The following BMPR1B variants were observed in gnomAD, a reference collection of about 807,000 sequenced individuals.
BMPR1B encodes the protein bone morphogenetic protein receptor type 1B, also known as bone morphogenetic protein receptor type-1B.
A neutral mutation model predicts 59.1 loss-of-function variants in BMPR1B; 12 were observed. That is an observed-to-expected ratio of 0.20 (90% confidence interval 0.13 to 0.33). The LOEUF is 0.33. Among genes scored for constraint, BMPR1B ranks in the 10% least tolerant of loss-of-function variants. BMPR1B has a pLI of 1.00. For synonymous variants in BMPR1B, 237 were observed against 207.3 expected, an observed-to-expected ratio of 1.14 and a Z score of -1.23; for missense variants, 550 against 610.9, an observed-to-expected ratio of 0.90 and a Z score of 1.05.
intron 3 of BMPR1B, among the ~76,000 whole-genome samples, chr4:95,080,135 T>C (rs577563641): frequency 1.3e-5 from 2 of 152,328 alleles, no homozygotes; most frequent in South Asian, 2.1e-4. Context: ...ATTCTTTTCT[T>C]TTTAAAACAA....
At chr4:95,085,989 CTGTGTG>C (rs3068102) in intron 3 of BMPR1B, among the ~76,000 whole-genome samples, 1 of 149,724 alleles carries the variant, frequency 6.7e-6, no homozygotes, top group Non-Finnish European at 1.5e-5. Context: ...GTGTGTGTAC[CTGTGTG>C]TGTGTGTGTG....
intron 2 of BMPR1B, among the ~76,000 whole-genome samples, chr4:94,983,629 G>T (rs894348911): frequency 8.5e-5 from 13 of 152,144 alleles, no homozygotes; most frequent in South Asian, 8.3e-4. Flanking sequence ...CACCACTTAA[G>T]GCCCTAACTC....
intron 1 of BMPR1B, among the ~76,000 whole-genome samples, chr4:94,869,331 T>G (rs1726388017): frequency 6.6e-6 from 1 of 152,206 alleles, no homozygotes; most frequent in Admixed American, 6.5e-5. Flanking sequence ...TCCGTTATTT[T>G]ACTAAGCACC....
chr4:94,956,070 G>T (rs1012380954), intron 2 of BMPR1B, among the ~76,000 whole-genome samples: 10 of 152,028 alleles, frequency 6.6e-5, no homozygotes, highest in African/African-American at 1.2e-4. Context: ...TTTTAAGTTC[G>T]CAATAAAATG....
At chr4:94,839,993 A>G (rs1024066313) in intron 1 of BMPR1B, among the ~76,000 whole-genome samples, 2 of 151,852 alleles carry the variant, frequency 1.3e-5, no homozygotes, top group Non-Finnish European at 2.9e-5. Flanking sequence ...CTTGTTTGTA[A>G]AGTATTTTAT....
chr4:94,852,334 G>GA (rs976786149), intron 1 of BMPR1B, among the ~76,000 whole-genome samples: 44 of 152,038 alleles, frequency 2.9e-4, no homozygotes, highest in African/African-American at 1.0e-3. Context: ...GAATAGATAG[G>GA]AAAAAATATA....
intron 2 of BMPR1B, among the ~76,000 whole-genome samples, chr4:94,887,265 G>C (rs773946181): frequency 1.3e-4 from 19 of 149,080 alleles, no homozygotes; most frequent in Non-Finnish European, 2.7e-4. Context: ...TTTAAACTAG[G>C]AATTGTGTAA....
chr4:94,992,942 G>A (rs1560584391), intron 2 of BMPR1B, among the ~76,000 whole-genome samples: 1 of 152,108 alleles, frequency 6.6e-6, no homozygotes, highest in African/African-American at 2.4e-5. Context: ...GAGTCCAGGG[G>A]CACAGTCAAT....
intron 3 of BMPR1B, among the ~76,000 whole-genome samples, chr4:95,084,346 GGT>G (rs963708286): frequency 9.5e-5 from 11 of 116,346 alleles, no homozygotes; most frequent in African/African-American, 3.2e-4. Flanking sequence ...TGTATGTGTA[GGT>G]GTGTGTGTAT....
chr4:95,130,124 A>G, intron 9 of BMPR1B, 70 bp downstream of exon 9: 2 of 1,542,868 alleles, frequency 1.3e-6, no homozygotes, highest in East Asian at 2.3e-5. Context: ...TAACATCTGC[A>G]TGTTAACTCA....
chr4:95,139,518 G>T (rs1038774960), intron 10 of BMPR1B, among the ~76,000 whole-genome samples: 2 of 152,226 alleles, frequency 1.3e-5, no homozygotes, highest in Non-Finnish European at 2.9e-5. Flanking sequence ...CAGAGGTGGA[G>T]TCTACAGAGG....
intron 2 of BMPR1B, chr4:94,995,830 C>T (rs1396546038): frequency 6.6e-6 from 1 of 152,100 alleles, no homozygotes; most frequent in Admixed American, 6.6e-5. Context: ...GGAGTATTAC[C>T]ACGGTGTTCA....
At chr4:95,080,232 A>G (rs34063820) in intron 3 of BMPR1B, among the ~76,000 whole-genome samples, 10,278 of 152,228 alleles carry the variant, frequency 0.068, 416 homozygotes, top group Middle Eastern at 0.1. Flanking sequence ...GTATGTATGT[A>G]TGTACATATG....
chr4:95,063,145 A>T (rs1179168067), intron 3 of BMPR1B, among the ~76,000 whole-genome samples: 1 of 152,126 alleles, frequency 6.6e-6, no homozygotes, highest in African/African-American at 2.4e-5. Flanking sequence ...ATAAAAAAAG[A>T]TCTAGGGGTA....
At chr4:95,030,690 A>G (rs56351546) in intron 3 of BMPR1B, among the ~76,000 whole-genome samples, 15,546 of 152,164 alleles carry the variant, frequency 0.1, 1,941 homozygotes, top group African/African-American at 0.3. Context: ...TACAAAATCA[A>G]TGTACAAAAA....
chr4:95,049,430 T>G (rs1169435950), intron 3 of BMPR1B, among the ~76,000 whole-genome samples: 1 of 6,668 alleles, frequency 1.5e-4, no homozygotes, highest in Admixed American at 2.0e-3. Context: ...TTTTTTTTTT[T>G]TTTTTTTTTT....
At chr4:94,977,159 A>T (rs1422533474) in intron 2 of BMPR1B, among the ~76,000 whole-genome samples, 2 of 152,176 alleles carry the variant, frequency 1.3e-5, no homozygotes, top group Non-Finnish European at 2.9e-5. Context: ...CTTCTTTACC[A>T]GAGATTCCCT....
intron 6 of BMPR1B, among the ~76,000 whole-genome samples, chr4:95,119,777 A>G (rs1732338787): frequency 1.3e-5 from 2 of 152,358 alleles, no homozygotes; most frequent in Middle Eastern, 3.4e-3. Flanking sequence ...TTAAACATAT[A>G]TATTTTAGAC....
intron 6 of BMPR1B, among the ~76,000 whole-genome samples, chr4:95,119,154 T>C (rs1732287909): frequency 6.6e-6 from 1 of 152,214 alleles, no homozygotes; most frequent in Non-Finnish European, 1.5e-5. Flanking sequence ...ATTATAATTA[T>C]GTGGATAGTT....
Sources: allele counts gnomAD v4.1 joint callset (sites outside exome capture counted in the v4.1 genomes callset), GRCh38; gene constraint gnomAD v4.1.1; transcripts MANE v1.5; gene names NCBI Gene and HGNC (gene_info 2026-07-23, HGNC 2026-07-21).